Variants in ZC3H4 observed in about 807,000 individuals in gnomAD.
The protein encoded by ZC3H4 is zinc finger CCCH domain-containing protein 4.
A neutral mutation model predicts 108.3 loss-of-function variants in ZC3H4; 13 were observed. The observed-to-expected ratio is 0.12, with a 90% CI of 0.08 to 0.19. The LOEUF is 0.19. Among genes scored for constraint, ZC3H4 ranks in the 10% least tolerant of loss-of-function variants. ZC3H4 has a pLI of 1.00. For synonymous variants in ZC3H4, 917 were observed against 749.6 expected, an observed-to-expected ratio of 1.22 and a Z score of -3.65; for missense variants, 1,734 against 1,838.8, an observed-to-expected ratio of 0.94 and a Z score of 1.04.
Position 47,112,467 on chromosome 19 carries a change from T to C in ZC3H4, c.118A>G (p.Thr40Ala). Residue 40 changes from threonine (T) to alanine (A), a missense_variant, in exon 2 of 15, where the codon ACC becomes GCC. Transcript: ENST00000253048. ...AGGCGGTGGTGGAGGAGGTGCGGGGTGGCCGGGCGGGCGTCGGGGGAACAC... is the reference window on the plus strand; with the variant it reads ...AGGCGGTGGTGGAGGAGGTGCGGGGCGGCCGGGCGGGCGTCGGGGGAACAC... ...PPCSPDARPA[T>A]PHLLHHRLPL... 9.8e-7 allele frequency: 1 copy of C among 1,018,970 alleles called. No homozygotes were observed. The highest frequency in any genetic ancestry group is 3.3e-5 in the East Asian group (1 of 30,506). The allele number at this position is 1,018,970 out of a possible 1,614,324, so 63.1% of individuals were successfully genotyped here. A position where few individuals can be genotyped will look rare whatever the true frequency, so the allele number is the denominator to read the frequency against.
intron 11 of ZC3H4, among the ~76,000 whole-genome samples, chr19:47,078,989 T>C (rs2057471770): frequency 1.3e-5 from 2 of 148,442 alleles, no homozygotes; most frequent in African/African-American, 2.5e-5. Context: ...ATCGCGCCAT[T>C]GCACTCCAGC....
intron 4 of ZC3H4, among the ~76,000 whole-genome samples, chr19:47,091,339 G>A (rs1390232607): frequency 6.6e-6 from 1 of 152,182 alleles, no homozygotes; most frequent in African/African-American, 2.4e-5. Context: ...GGGAGGCCCA[G>A]GCAGGCAGAT....
chr19:47,079,106 C>T lies in ZC3H4; in HGVS notation c.1440+2407G>A, dbSNP rs567354474. Among the ~76,000 whole-genome samples the T allele has an allele frequency of 1.1e-4, 16 of 149,948 alleles. 1 individual carries two copies. The South Asian group carries it at 2.5e-3, about 24-fold the overall frequency. ...GTGCAATGGCACGATCTCAGCTCACCGCAACCACCGCCTCCCGGGTTCAAG... is the reference window on the plus strand; with the variant it reads ...GTGCAATGGCACGATCTCAGCTCACTGCAACCACCGCCTCCCGGGTTCAAG... On this transcript the variant is annotated intron_variant, in intron 11 of 14. Coordinates refer to ENST00000253048, the MANE Select transcript of ZC3H4 (RefSeq NM_015168.2).
At chr19:47,103,609 C>T (rs1355699943) in intron 2 of ZC3H4, among the ~76,000 whole-genome samples, 2 of 151,970 alleles carry the variant, frequency 1.3e-5, no homozygotes, top group Non-Finnish European at 1.5e-5. Context: ...CATGGTAAAA[C>T]CCTGTCTCCA....
At chr19:47,092,191 T>G (rs1303094058) in intron 4 of ZC3H4, among the ~76,000 whole-genome samples, 3 of 151,492 alleles carry the variant, frequency 2.0e-5, no homozygotes, top group Non-Finnish European at 4.4e-5. Context: ...GGCAACAGAG[T>G]GAGATCCCAT....
Position 47,067,481 on chromosome 19 carries a change from C to A in ZC3H4, c.2787G>T (p.Glu929Asp). The change falls in exon 15 of 15, where the codon GAG becomes GAT. Residue 929 changes from glutamate (E) to aspartate (D), a missense_variant. By Grantham distance (45) the Glu-to-Asp change is conservative (BLOSUM62 2). Coordinates refer to ENST00000253048, the MANE Select transcript of ZC3H4 (RefSeq NM_015168.2). The surrounding 1 kb of genome is among the most constrained non-coding windows in gnomAD (Gnocchi z 6.4). The stretch of plus-strand genomic sequence containing the variant: ...TCACGGCCTTCTCCCGCAGGGCCCG[C>A]TCCCCTTCCTCCTCCTCCGTTGGGG... Reference protein sequence around the residue: ...GPPPTEEEEGERALREKAVNI... With the variant: ...GPPPTEEEEGDRALREKAVNI... 6.3e-7 allele frequency: 1 copy of A among 1,581,414 alleles called. No individual in the cohort carries two copies. Among genetic ancestry groups the A allele is most frequent in the Non-Finnish European group, 8.6e-7 (1 of 1,162,278 alleles).
Position 47,085,175 on chromosome 19 carries a change from T to A in ZC3H4, c.988A>T (p.Arg330Trp), listed in dbSNP as rs766438167. The A allele has an allele frequency of 1.2e-6, 2 of 1,613,496 alleles. No individual in the cohort carries two copies. The highest frequency in any genetic ancestry group is 2.2e-5 in the South Asian group (2 of 91,046). Reference protein sequence around the residue: ...RGRGLSRGRGRGSRGRGKGMG... With the variant: ...RGRGLSRGRGWGSRGRGKGMG... Reference sequence around the variant, plus strand: ...CCTTTCCCTCGACCTCGGGAGCCCCTGCCACGGCCTCGACTTAGCCCTGTG... The same window carrying A: ...CCTTTCCCTCGACCTCGGGAGCCCCAGCCACGGCCTCGACTTAGCCCTGTG... Residue 330 changes from arginine (R) to tryptophan (W), a missense_variant, in exon 8 of 15, where the codon AGG becomes TGG. Around this residue, in one of 9 missense-constraint regions of ZC3H4, gnomAD observed 403 missense variants for 457.0 expected, o/e 0.88. Transcript: ENST00000253048.
chr19:47,090,000 G>C lies in ZC3H4; in HGVS notation c.682C>G (p.Arg228Gly). Residue 228 changes from arginine to glycine, a missense_variant, in exon 5 of 15, where the codon CGG becomes GGG. Coordinates refer to ENST00000253048, the MANE Select transcript of ZC3H4 (RefSeq NM_015168.2). ...DDFTKELNQYRRAKEGSSRGR... is the reference protein window; with the variant it reads ...DDFTKELNQYGRAKEGSSRGR... ...CGGCTGCTGCCCTCCTTGGCACGCC[G>C]GTACTGGTTCAGCTCTTTGGTGAAG... The C allele has an allele frequency of 6.2e-7, 1 of 1,614,208 alleles. No homozygotes were observed. The highest frequency in any genetic ancestry group is 8.5e-7 in the Non-Finnish European group (1 of 1,180,034).
At chr19:47,076,327 AC>A (rs2057418810) in intron 11 of ZC3H4, among the ~76,000 whole-genome samples, 1 of 11,652 alleles carries the variant, frequency 8.6e-5, no homozygotes, top group Non-Finnish European at 3.1e-4. Context: ...GCGCGCGCGC[AC>A]ACACACACAC....
At chr19:47,081,427 TG>T in intron 11 of ZC3H4, 85 bp downstream of exon 11, 2 of 1,073,788 alleles carry the variant, frequency 1.9e-6, no homozygotes, top group Non-Finnish European at 2.9e-6. Flanking sequence ...CTGCAGAGGC[TG>T]GACAGGCAGG....
chr19:47,084,604 G>C, intron 8 of ZC3H4, 149 bp from the exon 9 acceptor site: 1 of 750,088 alleles, frequency 1.3e-6, no homozygotes, highest in Non-Finnish European at 2.3e-6. Flanking sequence ...TAACACGGAG[G>C]CTGCGTGCAC....
intron 1 of ZC3H4, among the ~76,000 whole-genome samples, chr19:47,113,084 G>A (rs542518150): frequency 1.3e-5 from 2 of 152,368 alleles, no homozygotes; most frequent in South Asian, 2.1e-4. Flanking sequence ...CCGGCTGCCC[G>A]GCCCCCGCCG....
chr19:47,097,097 C>G, intron 2 of ZC3H4: 2 of 680,570 alleles, frequency 2.9e-6, no homozygotes, highest in Non-Finnish European at 3.6e-6. Flanking sequence ...CAGAATGATT[C>G]TAGAAAGGAA....
At position 47,066,734 on chromosome 19, in the gene ZC3H4, G is replaced by A. The variant is rs749861542; in HGVS notation, c.3534C>T (p.Gly1178=). The A allele has an allele frequency of 6.2e-7, 1 of 1,606,330 alleles. No homozygotes were observed. Among genetic ancestry groups the A allele is most frequent in the African/African-American group, 1.3e-5 (1 of 75,034 alleles). The change falls in exon 15 of 15, where the codon GGC becomes GGT. Residue 1178 remains glycine, a synonymous_variant. Coordinates refer to ENST00000253048, the MANE Select transcript of ZC3H4 (RefSeq NM_015168.2). The part of the protein sequence containing the change: ...GAQPKGAEGN[G]KSSASKAKEP... ...CCTTAGCCTTGGAGGCCGAGCTCTT[G>A]CCATTGCCCTCAGCACCCTTGGGCT...
chr19:47,089,888 G>A (rs971436720), intron 5 of ZC3H4, 79 bp downstream of exon 5: 11 of 1,487,800 alleles, frequency 7.4e-6, no homozygotes, highest in Non-Finnish European at 1.8e-6. Flanking sequence ...CAAACTTGAG[G>A]TTCTGTGAGA....
chr19:47,084,918 T>G (rs2057588851), intron 8 of ZC3H4, 138 bp downstream of exon 8: 1 of 1,151,618 alleles, frequency 8.7e-7, no homozygotes, highest in Admixed American at 2.1e-5. Flanking sequence ...TCGCTGGTTA[T>G]GCTGGTCAAC....
rs368899358 is a variant in ZC3H4, at chr19:47,067,648, C to T, written c.2620G>A (p.Val874Met). 2.5e-6 allele frequency: 4 copies of T among 1,604,022 alleles called. No homozygotes were observed. The highest frequency in any genetic ancestry group is 1.3e-5 in the African/African-American group (1 of 75,002). ...LSRDPRLTRHVEASGGSGPGD... is the reference protein window; with the variant it reads ...LSRDPRLTRHMEASGGSGPGD... ...GGGCCAGACCCGCCAGAAGCCTCCA[C>T]ATGGCGGGTGAGTCTGGGGTCCCGG... Residue 874 changes from valine (V) to methionine (M), a missense_variant, in exon 15 of 15, where the codon GTG becomes ATG. Physicochemically the swap from Val to Met is conservative, Grantham distance 21. This residue lies in a region of ZC3H4 where 540 missense variants were observed against 484.1 expected (regional missense o/e 1.12). Transcript: ENST00000253048. This position sits in a 1 kb window ranked among gnomAD's most constrained non-coding sequence, Gnocchi z 6.4.
chr19:47,086,325 A>C, intron 6 of ZC3H4, 59 bp downstream of exon 6: 1 of 1,603,312 alleles, frequency 6.2e-7, no homozygotes, highest in Non-Finnish European at 8.5e-7. Context: ...AGCAGTGCTC[A>C]CGCCCCGGAA....
Position 47,085,426 on chromosome 19 carries a change from AGAG to A in ZC3H4, c.871-15_871-13del. The A allele has an allele frequency of 2.6e-6, 4 of 1,566,198 alleles. No homozygotes were observed. Among genetic ancestry groups the A allele is most frequent in the Non-Finnish European group, 3.5e-6 (4 of 1,157,662 alleles). On this transcript the variant is annotated splice_polypyrimidine_tract_variant and intron_variant, in intron 6 of 14. Transcript: ENST00000253048. The stretch of plus-strand genomic sequence containing the variant: ...TCACTCTCTCCATACTGGAATGCGC[AGAG>A]GAGAGGGCAGGAGAGCGTCAGGTAG...
Sources: gnomAD v4.1 joint callset for allele counts (sites outside exome capture counted in the v4.1 genomes callset) on GRCh38, gnomAD v4.1.1 for gene constraint, gnomAD v4.1.1 regional missense constraint, Gnocchi (gnomAD v3.1) non-coding constraint, MANE v1.5 for transcripts, NCBI Gene and HGNC (gene_info 2026-07-23, HGNC 2026-07-21) for gene names.